GADL1: variants seen among roughly 807,000 people sequenced by gnomAD.
GADL1 encodes acidic amino acid decarboxylase GADL1.
In GADL1, 71 loss-of-function variants were observed where a neutral mutation model predicts 69.5. The ratio of observed to expected loss-of-function variants is 1.02; its 90% CI spans 0.84 to 1.25. The LOEUF is 1.25. Ranked by LOEUF, GADL1 falls within the 50% of genes most tolerant of loss-of-function variation. The pLI is 0.00. For synonymous variants in GADL1, 254 were observed against 214.4 expected (o/e 1.18, Z -1.62); for missense variants, 737 against 631.8 (o/e 1.17, Z -1.79).
chr3:30,739,456 A>T lies in GADL1; in HGVS notation c.1393-11041T>A, dbSNP rs530646780. ...TCCACTGATTATTTGCTTCAGGAGT[A>T]AACTGAAGTCTAAGTTGTCTTTTTG... On this transcript the variant is annotated intron_variant, in intron 14 of 14. Transcript: ENST00000282538. Among the ~76,000 whole-genome samples the T allele has an allele frequency of 1.2e-4, 18 of 152,294 alleles. No homozygotes were observed. In the South Asian group the frequency reaches 3.3e-3, roughly 28 times the overall value.
intron 14 of GADL1, among the ~76,000 whole-genome samples, chr3:30,744,837 C>T (rs181584916): frequency 6.6e-6 from 1 of 152,168 alleles, no homozygotes; most frequent in South Asian, 2.1e-4. Context: ...ATGAGAGTGG[C>T]CATGTTCCAA....
intron 3 of GADL1, among the ~76,000 whole-genome samples, chr3:30,856,425 T>C (rs1184144581): frequency 2.0e-5 from 3 of 152,100 alleles, no homozygotes; most frequent in Non-Finnish European, 4.4e-5. Context: ...ACAGTAGTTA[T>C]GACATCACTG....
intron 1 of GADL1, among the ~76,000 whole-genome samples, chr3:30,865,487 G>A (rs993185565): frequency 6.6e-6 from 1 of 151,902 alleles, no homozygotes; most frequent in Non-Finnish European, 1.5e-5. Flanking sequence ...ACCAACCAGT[G>A]ATAATGTCTT....
chr3:30,747,387 G>A (rs562401923), intron 14 of GADL1, among the ~76,000 whole-genome samples: 1 of 152,166 alleles, frequency 6.6e-6, no homozygotes, highest in South Asian at 2.1e-4. Flanking sequence ...TCAAAATGAT[G>A]GTGCATTTGT....
intron 14 of GADL1, among the ~76,000 whole-genome samples, chr3:30,744,122 C>T (rs572434836): frequency 1.3e-5 from 2 of 152,208 alleles, no homozygotes; most frequent in South Asian, 4.2e-4. Flanking sequence ...CTAAGTGAAA[C>T]CTAATTCATA....
intron 1 of GADL1, among the ~76,000 whole-genome samples, chr3:30,886,635 G>T (rs562582094): frequency 3.5e-4 from 53 of 152,224 alleles, no homozygotes; most frequent in African/African-American, 1.1e-3. Flanking sequence ...TCTCAGCATG[G>T]GGTTAGCTTT....
In GADL1 at chr3:30,782,230, C is replaced by A. The variant is rs1698947; in HGVS notation, c.1303-3962G>T. Among the ~76,000 whole-genome samples, 283 of 152,178 alleles carry A rather than the reference C, an allele frequency of 1.9e-3. 1 individual carries two copies. The highest frequency in any genetic ancestry group is 3.0e-3 in the Non-Finnish European group (205 of 68,006). Reference sequence around the variant, plus strand: ...TTTCACTATAGGAAATAGATCTCATCTTTGAAAAGCTGCTCTAGCAGCAGT... The same window carrying A: ...TTTCACTATAGGAAATAGATCTCATATTTGAAAAGCTGCTCTAGCAGCAGT... On this transcript the variant is annotated intron_variant, in intron 13 of 14. Transcript: ENST00000282538.
intron 12 of GADL1, chr3:30,798,357 T>TGG (rs1337768587): frequency 6.5e-6 from 1 of 152,958 alleles, no homozygotes; most frequent in Non-Finnish European, 1.5e-5. Flanking sequence ...AGAATCATGG[T>TGG]GGGAGGCAAA....
At chr3:30,801,792 C>G (rs1266512446) in intron 11 of GADL1, among the ~76,000 whole-genome samples, 2 of 152,146 alleles carry the variant, frequency 1.3e-5, no homozygotes, top group African/African-American at 2.4e-5. Context: ...AAAGTTGAAG[C>G]CATGTTGTCT....
At position 30,843,077 on chromosome 3, in the gene GADL1, C is replaced by T. The variant is rs189917747; in HGVS notation, c.786+1133G>A. On this transcript the variant is annotated intron_variant, in intron 8 of 14. Transcript: ENST00000282538. ...GGATAGATACACTTGTATCCCAGCT[C>T]AGGAGCCAGGCTTTTTATTTTTCAG... Among the ~76,000 whole-genome samples the T allele has an allele frequency of 2.6e-4, 40 of 152,102 alleles. 1 individual carries two copies. The East Asian group carries it at 7.4e-3, about 28-fold the overall frequency.
At chr3:30,777,315 C>T (rs917388323) in intron 14 of GADL1, among the ~76,000 whole-genome samples, 1 of 151,994 alleles carries the variant, frequency 6.6e-6, no homozygotes, top group Non-Finnish European at 1.5e-5. Context: ...CTTTTACTAA[C>T]CAGGGTCATA....
intron 1 of GADL1, among the ~76,000 whole-genome samples, chr3:30,876,690 TG>T (rs1559367428): frequency 4.3e-5 from 4 of 93,068 alleles, no homozygotes; most frequent in Admixed American, 3.1e-4. Context: ...AACCTACTCT[TG>T]CCCACTTACA....
chr3:30,874,879 C>G lies in GADL1; in HGVS notation c.38-13114G>C, dbSNP rs1048603045. Among the ~76,000 whole-genome samples the G allele has an allele frequency of 4.6e-5, 7 of 151,800 alleles. 1 individual carries two copies. The highest frequency in any genetic ancestry group is 7.4e-5 in the Non-Finnish European group (5 of 67,870). ...CTATAGTTGTACCAAAAAAGGAACCCAAAATTTAGTAGCTTAAAGCAGCAC... is the reference window on the plus strand; with the variant it reads ...CTATAGTTGTACCAAAAAAGGAACCGAAAATTTAGTAGCTTAAAGCAGCAC... On this transcript the variant is annotated intron_variant, in intron 1 of 14. Coordinates refer to ENST00000282538, the MANE Select transcript of GADL1 (RefSeq NM_207359.3).
intron 12 of GADL1, among the ~76,000 whole-genome samples, chr3:30,794,306 T>TGTC (rs1053063570): frequency 6.6e-6 from 1 of 151,790 alleles, no homozygotes; most frequent in Non-Finnish European, 1.5e-5. Context: ...TGTTTGTTGT[T>TGTC]GAAAAGACTT....
At chr3:30,792,208 A>AT (rs1165890093) in intron 12 of GADL1, among the ~76,000 whole-genome samples, 1 of 152,198 alleles carries the variant, frequency 6.6e-6, no homozygotes, top group Non-Finnish European at 1.5e-5. Context: ...TTTTCCACAT[A>AT]AAAAGTCCCA....
At chr3:30,875,894 C>T (rs913554449) in intron 1 of GADL1, among the ~76,000 whole-genome samples, 1 of 151,898 alleles carries the variant, frequency 6.6e-6, no homozygotes, top group African/African-American at 2.4e-5. Flanking sequence ...CAAGAAAAAG[C>T]TTCTCCAGCC....
intron 14 of GADL1, among the ~76,000 whole-genome samples, chr3:30,772,702 C>T (rs896022101): frequency 2.0e-5 from 3 of 152,012 alleles, no homozygotes; most frequent in Non-Finnish European, 2.9e-5. Context: ...TGGTGAAACC[C>T]CATCTCTACT....
chr3:30,870,856 T>A (rs1698469722), intron 1 of GADL1, among the ~76,000 whole-genome samples: 1 of 151,650 alleles, frequency 6.6e-6, no homozygotes, highest in South Asian at 2.1e-4. Flanking sequence ...AGACAGATGG[T>A]GACTAGTGAA....
At chr3:30,771,187 T>C (rs912483622) in intron 14 of GADL1, among the ~76,000 whole-genome samples, 1 of 152,232 alleles carries the variant, frequency 6.6e-6, no homozygotes, top group African/African-American at 2.4e-5. Flanking sequence ...GAGTATTCCC[T>C]GCCCTTCAGC....
Sources: gnomAD v4.1 joint callset for allele counts (sites outside exome capture counted in the v4.1 genomes callset) on GRCh38, gnomAD v4.1.1 for gene constraint, MANE v1.5 for transcripts, NCBI Gene and HGNC (gene_info 2026-07-23, HGNC 2026-07-21) for gene names.